Variants in NCKAP5 observed in about 807,000 individuals in gnomAD.
NCKAP5 encodes the protein nck-associated protein 5.
A neutral mutation model predicts 167.0 loss-of-function variants in NCKAP5; 92 were observed. That is an observed-to-expected ratio of 0.55 (90% confidence interval 0.47 to 0.66). The LOEUF is 0.66. Among genes scored for constraint, NCKAP5 ranks in the 30% least tolerant of loss-of-function variants. The probability of loss-of-function intolerance (pLI) is 0.00; values close to 1 mark genes in which losing one functional copy is unlikely to be tolerated. For missense variants in NCKAP5, 2,378 were observed against 2,315.0 expected, an observed-to-expected ratio of 1.03 and a Z score of -0.56; for synonymous variants, 891 against 877.4, an observed-to-expected ratio of 1.02 and a Z score of -0.27.
chr2:133,589,884 G>A, the NCKAP5 span, among the ~76,000 whole-genome samples: 1 of 152,244 alleles, frequency 6.6e-6, no homozygotes. Context: ...ACAAACTGAT[G>A]TAATATCCAC....
At chr2:133,627,551 G>A in the NCKAP5 span, among the ~76,000 whole-genome samples, 6 of 152,148 alleles carry the variant, frequency 3.9e-5, no homozygotes, top group Admixed American at 3.9e-4. Context: ...GAGGCAGGTG[G>A]ATCACCTGAG....
chr2:132,866,725 C>A (rs1690384625), intron 10 of NCKAP5, among the ~76,000 whole-genome samples: 1 of 152,134 alleles, frequency 6.6e-6, no homozygotes, highest in Non-Finnish European at 1.5e-5. Context: ...TAAAACTGCA[C>A]AGTAATGCTT....
At chr2:133,554,784 G>A (rs1687619311) in intron 2 of NCKAP5, among the ~76,000 whole-genome samples, 2 of 152,076 alleles carry the variant, frequency 1.3e-5, no homozygotes, top group African/African-American at 4.8e-5. Context: ...TGGTGATTGG[G>A]GTCCCTATAA....
At chr2:133,498,213 G>C (rs1028181060) in intron 3 of NCKAP5, among the ~76,000 whole-genome samples, 1 of 152,124 alleles carries the variant, frequency 6.6e-6, no homozygotes, top group African/African-American at 2.4e-5. Context: ...AGCAAGCTCT[G>C]GTCGTTTCCA....
chr2:133,148,945 G>T (rs959057205), intron 5 of NCKAP5, among the ~76,000 whole-genome samples: 5 of 152,038 alleles, frequency 3.3e-5, no homozygotes, highest in African/African-American at 1.2e-4. Context: ...TTTCTTGATG[G>T]TCTCCAGACA....
At chr2:133,113,630 G>T (rs762530319) in intron 6 of NCKAP5, among the ~76,000 whole-genome samples, 2 of 152,202 alleles carry the variant, frequency 1.3e-5, no homozygotes, top group Non-Finnish European at 2.9e-5. Context: ...GCCTCATGAT[G>T]TTCAGGGTAT....
chr2:133,229,945 C>T (rs972174330), intron 4 of NCKAP5, among the ~76,000 whole-genome samples: 1 of 150,064 alleles, frequency 6.7e-6, no homozygotes. Context: ...AAGTTACTCA[C>T]ACTCTCTCTG....
chr2:133,162,090 A>G (rs35895572), intron 5 of NCKAP5, among the ~76,000 whole-genome samples: 25,958 of 152,264 alleles, frequency 0.17, 2,593 homozygotes, highest in Non-Finnish European at 0.22. Context: ...TATAGTTCAT[A>G]TATAGAACCT....
chr2:133,194,819 G>C (rs757066838), intron 5 of NCKAP5, among the ~76,000 whole-genome samples: 5 of 150,784 alleles, frequency 3.3e-5, no homozygotes, highest in Non-Finnish European at 7.4e-5. Context: ...TAATTATTAT[G>C]CTAGATAAAA....
rs184654236 is a variant in NCKAP5 at position 133,507,687 on chromosome 2, C to A, written c.69+9771G>T. 2.0e-5 allele frequency among the ~76,000 whole-genome samples: 3 copies of A among 152,202 alleles called. 1 individual carries two copies. The highest frequency in any genetic ancestry group is 2.0e-4 in the Admixed American group (3 of 15,288). ...GCAGTGCCTCTGGTGTTAACTGAAG[C>A]GTTTGAATATGATGGCTCCTGGATT... On this transcript the variant is annotated intron_variant, in intron 3 of 19. Transcript: ENST00000409261.
intron 6 of NCKAP5, among the ~76,000 whole-genome samples, chr2:133,032,674 C>T (rs916876274): frequency 6.6e-6 from 1 of 152,128 alleles, no homozygotes; most frequent in African/African-American, 2.4e-5. Context: ...CAGTGCTGTA[C>T]TGGCTTCAGG....
At chr2:132,814,688 G>A (rs961064644) in intron 11 of NCKAP5, among the ~76,000 whole-genome samples, 11 of 152,078 alleles carry the variant, frequency 7.2e-5, no homozygotes, top group Admixed American at 4.6e-4. Flanking sequence ...AAAGCTGCTC[G>A]TCGATTTCCC....
chr2:133,173,331 T>A (rs751766326), intron 5 of NCKAP5, among the ~76,000 whole-genome samples: 6 of 152,210 alleles, frequency 3.9e-5, no homozygotes, highest in Non-Finnish European at 7.3e-5. Context: ...ATCATTCATA[T>A]AGACAAAAAG....
chr2:133,366,052 G>C (rs1462685851), intron 3 of NCKAP5, among the ~76,000 whole-genome samples: 1 of 152,128 alleles, frequency 6.6e-6, no homozygotes, highest in Non-Finnish European at 1.5e-5. Flanking sequence ...CACATTAAAA[G>C]AATAGGGGAA....
intron 4 of NCKAP5, among the ~76,000 whole-genome samples, chr2:133,296,355 C>T (rs897140119): frequency 5.3e-5 from 8 of 151,892 alleles, no homozygotes; most frequent in Non-Finnish European, 8.8e-5. Context: ...ACCCCCACCG[C>T]CAAACTATCT....
rs1558755605 is a variant in NCKAP5 at position 133,526,278 on chromosome 2, AAGGAGGGAGGGAG to A, written c.-61-8704_-61-8692del. 3.5e-5 allele frequency among the ~76,000 whole-genome samples: 3 copies of A among 86,350 alleles called. No individual in the cohort carries two copies. The Admixed American group carries it at 4.0e-4, about 11-fold the overall frequency. 56.6% of individuals were successfully genotyped at this position (86,350 alleles called of 152,430 possible). A position where few individuals can be genotyped will look rare whatever the true frequency, so the allele number is the denominator to read the frequency against. On this transcript the variant is annotated intron_variant, in intron 2 of 19. Coordinates refer to ENST00000409261, the MANE Select transcript of NCKAP5 (RefSeq NM_207363.3). Reference sequence around the variant, plus strand: ...GAGGGAGGGAAGGAGGGAGGGAGGGAAGGAGGGAGGGAGGGAAGGAGGGAGGGAGGGAAGGAGG... The same window carrying A: ...GAGGGAGGGAAGGAGGGAGGGAGGGAGGAAGGAGGGAGGGAGGGAAGGAGG...
chr2:132,715,165 G>C (rs146514077), intron 19 of NCKAP5, among the ~76,000 whole-genome samples: 1 of 152,110 alleles, frequency 6.6e-6, no homozygotes, highest in Non-Finnish European at 1.5e-5. Context: ...TTCTTCCCCC[G>C]ATACCTGAAA....
intron 3 of NCKAP5, among the ~76,000 whole-genome samples, chr2:133,332,688 C>A (rs1682939237): frequency 6.6e-6 from 1 of 152,136 alleles, no homozygotes. Flanking sequence ...TTTATATTCA[C>A]CCTTACACCT....
At chr2:132,984,850 GCT>G (rs1225797016) in intron 7 of NCKAP5, among the ~76,000 whole-genome samples, 2 of 150,768 alleles carry the variant, frequency 1.3e-5, no homozygotes, top group African/African-American at 4.9e-5. Context: ...TCGTGATTTT[GCT>G]CTGTTCAAAT....
Sources: gnomAD v4.1 joint callset for allele counts (sites outside exome capture counted in the v4.1 genomes callset) on GRCh38, gnomAD v4.1.1 for gene constraint, MANE v1.5 for transcripts, NCBI Gene and HGNC (gene_info 2026-07-23, HGNC 2026-07-21) for gene names.